AOC1: variants seen among roughly 807,000 people sequenced by gnomAD.
The protein encoded by AOC1 is amine oxidase copper containing 1, also known as diamine oxidase [copper-containing].
A neutral mutation model predicts 57.1 loss-of-function variants in AOC1; 58 were observed. The ratio of observed to expected loss-of-function variants is 1.02; its 90% CI spans 0.82 to 1.26. The LOEUF is 1.26. Among genes scored for constraint, AOC1 ranks in the 50% most tolerant of loss-of-function variants. The probability of loss-of-function intolerance (pLI) is 0.00; values close to 1 mark genes in which losing one functional copy is unlikely to be tolerated. For synonymous variants in AOC1, 401 were observed against 423.4 expected (o/e 0.95, Z 0.65); for missense variants, 917 against 1,005.3 (o/e 0.91, Z 1.19).
intron 1 of AOC1, among the ~76,000 whole-genome samples, chr7:150,855,183 C>G (rs570784886): frequency 3.5e-4 from 54 of 152,280 alleles, no homozygotes; most frequent in African/African-American, 1.3e-3. Context: ...CCAGCTCAAC[C>G]CAGAGCCTTG....
chr7:150,854,816 T>C (rs930132008), intron 1 of AOC1, among the ~76,000 whole-genome samples: 2 of 152,216 alleles, frequency 1.3e-5, no homozygotes, highest in African/African-American at 2.4e-5. Context: ...GCACCTCAGT[T>C]ACACCTCACA....
Position 150,856,083 on chromosome 7 carries a change from T to C in AOC1, c.-16-372T>C, listed in dbSNP as rs557230859. ...TAGTTTTGCTGTTAATACAGGTGTC[T>C]TCTTCTCCAGGACACAAGAAGCACC... is the stretch of plus-strand genomic sequence containing the variant. On this transcript the variant is annotated intron_variant, in intron 1 of 4. Transcript: ENST00000360937. The surrounding 1 kb of genome is among the most constrained non-coding windows in gnomAD (Gnocchi z 5.2). Among the ~76,000 whole-genome samples, 1 of 152,290 alleles carries C rather than the reference T, an allele frequency of 6.6e-6. No homozygotes were observed. The highest frequency in any genetic ancestry group is 2.1e-4 in the South Asian group (1 of 4,830).
In AOC1 at chr7:150,857,711, G is replaced by T. The variant is rs542469455; in HGVS notation, c.1241G>T (p.Arg414Leu). ...GCCGATGACCCGGTCCATTATCCCC[G>T]AGCCCTCTGCCTCTTTGAAATGCCC... is the stretch of plus-strand genomic sequence containing the variant. ...YDADDPVHYPRALCLFEMPTG... is the reference protein window; with the variant it reads ...YDADDPVHYPLALCLFEMPTG... The change falls in exon 2 of 5, where the codon CGA becomes CTA. Residue 414 changes from arginine (R) to leucine (L), a missense_variant. Transcript: ENST00000360937. This position sits in a 1 kb window ranked among gnomAD's most constrained non-coding sequence, Gnocchi z 6.6. 2.4e-5 allele frequency: 38 copies of T among 1,613,978 alleles called. 1 individual carries two copies. Among genetic ancestry groups the T allele is most frequent in the Non-Finnish European group, 3.1e-5 (37 of 1,179,982 alleles).
In AOC1 at chr7:150,856,331, C is replaced by T; in HGVS notation, c.-16-124C>T. The T allele has an allele frequency of 7.8e-7, 1 of 1,277,940 alleles. No individual in the cohort carries two copies. The highest frequency in any genetic ancestry group is 1.5e-5 in the South Asian group (1 of 65,428). The allele number at this position is 1,277,940 out of a possible 1,614,324, so 79.2% of individuals were successfully genotyped here. On this transcript the variant is annotated intron_variant, in intron 1 of 4. Coordinates refer to ENST00000360937, the MANE Select transcript of AOC1 (RefSeq NM_001091.4). The surrounding 1 kb of genome is among the most constrained non-coding windows in gnomAD (Gnocchi z 5.2). ...GGGGCCCCAGCTGCCCCAGGACAGC[C>T]TCCAGCTTGGGGCAGGGCAAGGGGA...
rs1330908987 is a variant in AOC1, at chr7:150,860,491, T to C, written c.1857-10T>C. 1.2e-6 allele frequency: 2 copies of C among 1,613,976 alleles called. No homozygotes were observed. Among genetic ancestry groups the C allele is most frequent in the East Asian group, 2.2e-5 (1 of 44,874 alleles). On this transcript the variant is annotated splice_polypyrimidine_tract_variant and intron_variant, in intron 3 of 4. Coordinates refer to ENST00000360937, the MANE Select transcript of AOC1 (RefSeq NM_001091.4). ...GCCCTGAGCCAAGCTGCTTCGCCTGTGCCTGGCAGGTACCCCCTGGCAGTG... is the reference window on the plus strand; with the variant it reads ...GCCCTGAGCCAAGCTGCTTCGCCTGCGCCTGGCAGGTACCCCCTGGCAGTG...
rs777943883 is a variant in AOC1 at position 150,860,526 on chromosome 7, C to T, written c.1882C>T (p.Arg628Trp). Reference sequence around the variant, plus strand: ...GTACCCCCTGGCAGTGACCAAGTACCGGGAGTCGGAGCTGTGCAGCAGCAG... The same window carrying T: ...GTACCCCCTGGCAGTGACCAAGTACTGGGAGTCGGAGCTGTGCAGCAGCAG... Reference protein sequence around the residue: ...ARYPLAVTKYRESELCSSSIY... With the variant: ...ARYPLAVTKYWESELCSSSIY... The change falls in exon 4 of 5, where the codon CGG (arginine) becomes TGG (tryptophan). Residue 628 changes from arginine to tryptophan, a missense_variant. By Grantham distance (101) the Arg-to-Trp change is moderately radical. Coordinates refer to ENST00000360937, the MANE Select transcript of AOC1 (RefSeq NM_001091.4). 1.5e-5 allele frequency: 24 copies of T among 1,613,900 alleles called. No individual in the cohort carries two copies. Among genetic ancestry groups the T allele is most frequent in the Non-Finnish European group, 1.9e-5 (22 of 1,179,920 alleles).
Position 150,857,731 on chromosome 7 carries a change from A to T in AOC1, c.1261A>T (p.Met421Leu). 1 of 1,614,174 alleles carries T rather than the reference A, an allele frequency of 6.2e-7. No individual in the cohort carries two copies. The highest frequency in any genetic ancestry group is 1.1e-5 in the South Asian group (1 of 91,084). ...TCCCCGAGCCCTCTGCCTCTTTGAA[A>T]TGCCCACAGGGGTGCCCCTTCGGCG... ...HYPRALCLFE[M>L]PTGVPLRRHF... is the part of the protein sequence containing the mutation. The change falls in exon 2 of 5, where the codon ATG (methionine) becomes TTG (leucine). Residue 421 changes from methionine to leucine, a missense_variant. Coordinates refer to ENST00000360937, the MANE Select transcript of AOC1 (RefSeq NM_001091.4). The surrounding 1 kb of genome is among the most constrained non-coding windows in gnomAD (Gnocchi z 6.6).
In AOC1 at chr7:150,856,487, G is replaced by C; in HGVS notation, c.17G>C (p.Trp6Ser). The C allele has an allele frequency of 6.2e-7, 1 of 1,613,514 alleles. No homozygotes were observed. Among genetic ancestry groups the C allele is most frequent in the Non-Finnish European group, 8.5e-7 (1 of 1,179,804 alleles). MPALG[W>S]AVAAILMLQT... is the part of the protein sequence containing the mutation. ...GAGCGAGAGATGCCGGCCCTGGGCT[G>C]GGCCGTGGCTGCCATCCTGATGCTG... The change falls in exon 2 of 5, where the codon TGG becomes TCG. Residue 6 changes from tryptophan (W) to serine (S), a missense_variant. Transcript: ENST00000360937. This position sits in a 1 kb window ranked among gnomAD's most constrained non-coding sequence, Gnocchi z 5.2.
At position 150,856,636 on chromosome 7, in the gene AOC1, CT is replaced by C; in HGVS notation, c.167del (p.Leu56ArgfsTer28). 1 of 1,614,168 alleles carries C rather than the reference CT, an allele frequency of 6.2e-7. No individual in the cohort carries two copies. ...CCTCTGGTCCAAGAAGGAGCTGAGG[CT>C]GCAGCCCTCCAGTACCACCACCATG... ...SFLWSKKELR[L>X]QPSSTTTMAK... is the part of the protein sequence containing the mutation. On this transcript the variant is annotated frameshift_variant, in exon 2 of 5. Coordinates refer to ENST00000360937, the MANE Select transcript of AOC1 (RefSeq NM_001091.4). LOFTEE classifies it high-confidence loss of function. This position sits in a 1 kb window ranked among gnomAD's most constrained non-coding sequence, Gnocchi z 5.2.
chr7:150,858,006 C>T lies in AOC1; in HGVS notation c.1536C>T (p.His512=). The T allele has an allele frequency of 6.4e-7, 1 of 1,562,072 alleles. No homozygotes were observed. Among genetic ancestry groups the T allele is most frequent in the Non-Finnish European group, 8.6e-7 (1 of 1,159,380 alleles). The change falls in exon 2 of 5, where the codon CAC becomes CAT. Residue 512 remains histidine (H), a synonymous_variant. Transcript: ENST00000360937. ...ACCTGATTGGCAACATACACACTCA[C>T]TTGGTGCACTACCGCGTAGACCTGG... is the stretch of plus-strand genomic sequence containing the variant. ...HTHLIGNIHT[H]LVHYRVDLDV...
intron 3 of AOC1, 86 bp from the exon 4 acceptor site, chr7:150,860,415 T>C (rs1395160020): frequency 6.2e-7 from 1 of 1,603,230 alleles, no homozygotes; most frequent in Admixed American, 1.7e-5. Context: ...TCTTCCTCTA[T>C]TCTGACCCTG....
chr7:150,852,779 G>C lies in AOC1; in HGVS notation c.-17+221G>C, dbSNP rs1276565227. Among the ~76,000 whole-genome samples, 1 of 152,126 alleles carries C rather than the reference G, an allele frequency of 6.6e-6. No individual in the cohort carries two copies. Among genetic ancestry groups the C allele is most frequent in the Non-Finnish European group, 1.5e-5 (1 of 68,016 alleles). On this transcript the variant is annotated intron_variant, in intron 1 of 4. Transcript: ENST00000360937. This position sits in a 1 kb window ranked among gnomAD's most constrained non-coding sequence, Gnocchi z 4.6. Reference sequence around the variant, plus strand: ...GGAGTGGGGAAAGCTCAGAGAGGAGGGTGAGCAGGGAGAGGGCTTGCTTCC... The same window carrying C: ...GGAGTGGGGAAAGCTCAGAGAGGAGCGTGAGCAGGGAGAGGGCTTGCTTCC...
chr7:150,857,071 C>T lies in AOC1; in HGVS notation c.601C>T (p.Leu201Phe). The change falls in exon 2 of 5, where the codon CTT becomes TTT. Residue 201 changes from leucine (L) to phenylalanine (F), a missense_variant. By Grantham distance (22) the Leu-to-Phe change is conservative. Transcript: ENST00000360937. This position sits in a 1 kb window ranked among gnomAD's most constrained non-coding sequence, Gnocchi z 6.6. ...GVASGQRRSW[L>F]IIQRYVEGYF... The stretch of plus-strand genomic sequence containing the variant: ...GGCTTCTGGCCAGCGCCGCAGTTGG[C>T]TTATCATACAGCGCTATGTAGAAGG... 3 of 1,614,104 alleles carry T rather than the reference C, an allele frequency of 1.9e-6. No homozygotes were observed. The highest frequency in any genetic ancestry group is 1.1e-5 in the South Asian group (1 of 91,092).
rs746411257 is a variant in AOC1 at position 150,857,685 on chromosome 7, T to A, written c.1215T>A (p.Asp405Glu). The change falls in exon 2 of 5, where the codon GAT becomes GAA. Residue 405 changes from aspartate to glutamate, a missense_variant. Asp to Glu is a conservative substitution (Grantham distance 45). Coordinates refer to ENST00000360937, the MANE Select transcript of AOC1 (RefSeq NM_001091.4). This position sits in a 1 kb window ranked among gnomAD's most constrained non-coding sequence, Gnocchi z 6.6. ...TCCTGGACACTTTCCACTACTATGA[T>A]GCCGATGACCCGGTCCATTATCCCC... ...ATFLDTFHYY[D>E]ADDPVHYPRA... 5 of 1,614,118 alleles carry A rather than the reference T, an allele frequency of 3.1e-6. No homozygotes were observed. The South Asian group carries it at 5.5e-5, about 18-fold the overall frequency.
In AOC1 at chr7:150,856,803, C is replaced by T. The variant is rs754113033; in HGVS notation, c.333C>T (p.Val111=). Reference sequence around the variant, plus strand: ...TTGGTGACCAGGAGCATCCCAATGTCACCGAGTTTGCTGTGGGGCCCCTGC... The same window carrying T: ...TTGGTGACCAGGAGCATCCCAATGTTACCGAGTTTGCTGTGGGGCCCCTGC... The part of the protein sequence containing the change: ...IFFGDQEHPN[V]TEFAVGPLPG... The change falls in exon 2 of 5, where the codon GTC becomes GTT. Residue 111 remains valine, a synonymous_variant. Coordinates refer to ENST00000360937, the MANE Select transcript of AOC1 (RefSeq NM_001091.4). This position sits in a 1 kb window ranked among gnomAD's most constrained non-coding sequence, Gnocchi z 5.2. 2 of 1,614,120 alleles carry T rather than the reference C, an allele frequency of 1.2e-6. No individual in the cohort carries two copies. Among genetic ancestry groups the T allele is most frequent in the Non-Finnish European group, 1.7e-6 (2 of 1,179,982 alleles).
chr7:150,856,313 C>T lies in AOC1; in HGVS notation c.-16-142C>T. 8.9e-7 allele frequency: 1 copy of T among 1,119,516 alleles called. No homozygotes were observed. The highest frequency in any genetic ancestry group is 1.2e-6 in the Non-Finnish European group (1 of 810,038). 69.3% of individuals were successfully genotyped at this position (1,119,516 alleles called of 1,614,324 possible). A position where few individuals can be genotyped will look rare whatever the true frequency, so the allele number is the denominator to read the frequency against. On this transcript the variant is annotated intron_variant, in intron 1 of 4. Coordinates refer to ENST00000360937, the MANE Select transcript of AOC1 (RefSeq NM_001091.4). The surrounding 1 kb of genome is among the most constrained non-coding windows in gnomAD (Gnocchi z 5.2). ...GCGCTGGGGACTATGCATGGGGCCCCAGCTGCCCCAGGACAGCCTCCAGCT... is the reference window on the plus strand; with the variant it reads ...GCGCTGGGGACTATGCATGGGGCCCTAGCTGCCCCAGGACAGCCTCCAGCT...
chr7:150,860,892 C>T, intron 4 of AOC1, 51 bp from the exon 5 acceptor site: 3 of 1,569,014 alleles, frequency 1.9e-6, no homozygotes, highest in African/African-American at 1.4e-5. Context: ...GAGTGGCCTC[C>T]AGTGGTCAGT....
chr7:150,853,686 TA>T (rs767735623), intron 1 of AOC1, among the ~76,000 whole-genome samples: 3,211 of 92,692 alleles, frequency 0.035, 81 homozygotes, highest in African/African-American at 0.067. Context: ...TATATATATA[TA>T]TATATATATA....
chr7:150,856,907 C>T lies in AOC1; in HGVS notation c.437C>T (p.Ala146Val), dbSNP rs548803192. The change falls in exon 2 of 5, where the codon GCA becomes GTA. Residue 146 changes from alanine (A) to valine (V), a missense_variant. Coordinates refer to ENST00000360937, the MANE Select transcript of AOC1 (RefSeq NM_001091.4). The surrounding 1 kb of genome is among the most constrained non-coding windows in gnomAD (Gnocchi z 5.2). ...SSWASRPIST[A>V]EYALLYHTLQ... ...TGGGCATCGAGGCCCATCTCCACAG[C>T]AGAGTATGCCCTCCTCTACCACACC... 15 of 1,614,112 alleles carry T rather than the reference C, an allele frequency of 9.3e-6. No homozygotes were observed. Among genetic ancestry groups the T allele is most frequent in the African/African-American group, 6.7e-5 (5 of 75,046 alleles).
Sources: allele counts gnomAD v4.1 joint callset (sites outside exome capture counted in the v4.1 genomes callset), GRCh38; gene constraint gnomAD v4.1.1; non-coding constraint Gnocchi (gnomAD v3.1); transcripts MANE v1.5; gene names NCBI Gene and HGNC (gene_info 2026-07-23, HGNC 2026-07-21).